MAF: variants seen among roughly 807,000 people sequenced by gnomAD.
MAF encodes transcription factor Maf.
In MAF, 10 loss-of-function variants were observed where a neutral mutation model predicts 22.0. That is an observed-to-expected ratio of 0.45 (90% CI 0.28 to 0.77). The LOEUF (loss-of-function observed/expected upper bound fraction) is 0.77, where lower values mean the gene tolerates loss of function less well. Among genes scored for constraint, MAF ranks in the 30% least tolerant of loss-of-function variants. The pLI, the probability that MAF is intolerant of heterozygous loss-of-function variation, is 0.12. For missense variants in MAF, 544 were observed against 548.4 expected (o/e 0.99, Z 0.08); for synonymous variants, 337 against 255.8 (o/e 1.32, Z -3.03).
the MAF span, among the ~76,000 whole-genome samples, chr16:79,308,087 AG>A: frequency 3.3e-5 from 5 of 152,222 alleles, no homozygotes; most frequent in Non-Finnish European, 5.9e-5. Context: ...AGCCTTGGGA[AG>A]GGTCAGACTG....
the MAF span, among the ~76,000 whole-genome samples, chr16:79,325,822 T>A: frequency 6.6e-6 from 1 of 152,040 alleles, no homozygotes; most frequent in Non-Finnish European, 1.5e-5. Context: ...AGAACAAACA[T>A]GGCTAGGAAG....
the MAF span, among the ~76,000 whole-genome samples, chr16:79,310,853 A>G: frequency 2.6e-5 from 4 of 152,258 alleles, no homozygotes; most frequent in South Asian, 4.2e-4. Context: ...TTATTTAAAT[A>G]CTGAATTGCG....
the MAF span, among the ~76,000 whole-genome samples, chr16:79,439,066 G>A: frequency 1.3e-5 from 2 of 152,004 alleles, no homozygotes; most frequent in Non-Finnish European, 2.9e-5. Context: ...AGCTCCAAGA[G>A]GCAGAGGCAG....
At chr16:79,564,555 T>G in the MAF span, among the ~76,000 whole-genome samples, 3 of 152,174 alleles carry the variant, frequency 2.0e-5, no homozygotes, top group African/African-American at 7.2e-5. Context: ...GCCGCACTGT[T>G]TACAAAGTAC....
chr16:79,598,308 A>C lies in MAF; in HGVS notation c.1118+477T>G. 2.7e-6 allele frequency: 3 copies of C among 1,099,784 alleles called. No homozygotes were observed. The Admixed American group carries it at 1.3e-4, about 49-fold the overall frequency. The allele number at this position is 1,099,784 out of a possible 1,614,324, so 68.1% of individuals were successfully genotyped here. A position where few individuals can be genotyped will look rare whatever the true frequency, so the allele number is the denominator to read the frequency against. ...AAAATAAAACACACACACACACAGA[A>C]AATGAACACCAGTTCATGAACTGAA... On this transcript the variant is annotated intron_variant, in intron 1 of 1. Transcript: ENST00000326043.
At chr16:79,555,417 G>GT in the MAF span, among the ~76,000 whole-genome samples, 2 of 152,168 alleles carry the variant, frequency 1.3e-5, no homozygotes, top group African/African-American at 4.8e-5. Context: ...ACTGGTAAAT[G>GT]TTTAATAGGC....
chr16:79,476,673 A>C, the MAF span, among the ~76,000 whole-genome samples: 2 of 152,182 alleles, frequency 1.3e-5, no homozygotes, highest in Non-Finnish European at 2.9e-5. Context: ...GCATCTGGAT[A>C]TTCAAAGTGC....
chr16:79,304,487 T>G, the MAF span, among the ~76,000 whole-genome samples: 2,583 of 152,332 alleles, frequency 0.017, 22 homozygotes, highest in Middle Eastern at 0.041. Context: ...TGTTTTACCA[T>G]TAATTTTTGT....
chr16:79,411,556 A>G, the MAF span, among the ~76,000 whole-genome samples: 1 of 152,202 alleles, frequency 6.6e-6, no homozygotes, highest in East Asian at 1.9e-4. Flanking sequence ...TTTTCATCTA[A>G]GTCTGGTGAC....
the MAF span, among the ~76,000 whole-genome samples, chr16:79,524,843 G>C: frequency 0.014 from 2,198 of 152,300 alleles, 24 homozygotes; most frequent in Non-Finnish European, 0.021. Context: ...GACAGATTCT[G>C]TGCTGTTCAA....
chr16:79,509,713 C>G, the MAF span, among the ~76,000 whole-genome samples: 2 of 152,242 alleles, frequency 1.3e-5, no homozygotes, highest in Admixed American at 6.5e-5. Flanking sequence ...CATTGCCTCT[C>G]CCTCAATTTC....
the MAF span, among the ~76,000 whole-genome samples, chr16:79,282,571 C>T: frequency 4.6e-5 from 7 of 152,268 alleles, no homozygotes; most frequent in South Asian, 4.2e-4. Context: ...CCACAGTCAC[C>T]GCTTCCCCAA....
At chr16:79,222,872 G>A in the MAF span, among the ~76,000 whole-genome samples, 1 of 152,176 alleles carries the variant, frequency 6.6e-6, no homozygotes, top group East Asian at 1.9e-4. Context: ...CATAAAGCAA[G>A]TTCTTAAAGA....
chr16:79,449,098 G>A, the MAF span, among the ~76,000 whole-genome samples: 7 of 152,136 alleles, frequency 4.6e-5, no homozygotes, highest in African/African-American at 1.4e-4. Flanking sequence ...TCCTCATAAG[G>A]AGCATGCAGC....
chr16:79,536,910 G>A, the MAF span, among the ~76,000 whole-genome samples: 3 of 152,090 alleles, frequency 2.0e-5, no homozygotes, highest in Non-Finnish European at 4.4e-5. Flanking sequence ...GGTATGGGAG[G>A]GGGGTCCAGG....
the MAF span, among the ~76,000 whole-genome samples, chr16:79,384,568 T>A: frequency 2.0e-5 from 3 of 151,470 alleles, no homozygotes; most frequent in Non-Finnish European, 4.4e-5. Flanking sequence ...CCATCCTGGC[T>A]AACACGGTGA....
At chr16:79,596,591 G>C (rs1913541058) in intron 1 of MAF, 1 of 1,045,424 alleles carries the variant, frequency 9.6e-7, no homozygotes, top group Non-Finnish European at 1.2e-6. Context: ...AGTAACTCAA[G>C]ATATAAAACA....
the MAF span, among the ~76,000 whole-genome samples, chr16:79,427,597 G>A: frequency 6.6e-5 from 10 of 152,080 alleles, no homozygotes; most frequent in Non-Finnish European, 1.3e-4. Context: ...GCACAGCCAG[G>A]AATGCTCCCT....
At chr16:79,340,935 G>C in the MAF span, among the ~76,000 whole-genome samples, 1 of 152,178 alleles carries the variant, frequency 6.6e-6, no homozygotes, top group African/African-American at 2.4e-5. Flanking sequence ...AGGATAGCAA[G>C]ACAGAGGAAG....
Sources: gnomAD v4.1 joint callset for allele counts (sites outside exome capture counted in the v4.1 genomes callset) on GRCh38, gnomAD v4.1.1 for gene constraint, MANE v1.5 for transcripts, NCBI Gene and HGNC (gene_info 2026-07-23, HGNC 2026-07-21) for gene names.